The following TMEM132B variants were observed in gnomAD, a reference collection of about 807,000 sequenced individuals.
TMEM132B encodes transmembrane protein 132B.
A neutral mutation model predicts 90.8 loss-of-function variants in TMEM132B; 18 were observed. That is an observed-to-expected ratio of 0.20 (90% CI 0.14 to 0.29). TMEM132B has a LOEUF of 0.29. Among genes scored for constraint, TMEM132B ranks in the 10% least tolerant of loss-of-function variants. The pLI is 1.00. For missense variants in TMEM132B, 1,096 were observed against 1,326.8 expected (o/e 0.83, Z 2.70); for synonymous variants, 504 against 523.3 (o/e 0.96, Z 0.50).
intron 1 of TMEM132B, among the ~76,000 whole-genome samples, chr12:125,223,728 A>C (rs1283924778): frequency 1.3e-5 from 2 of 152,134 alleles, no homozygotes; most frequent in East Asian, 3.8e-4. Context: ...CCTATTCTGA[A>C]CATTTACTAG....
intron 5 of TMEM132B, among the ~76,000 whole-genome samples, chr12:125,592,578 G>C (rs1885340341): frequency 6.6e-6 from 1 of 152,224 alleles, no homozygotes; most frequent in Admixed American, 6.5e-5. Context: ...TGAGCAGTGT[G>C]TGGGGAGCTG....
chr12:125,291,391 TGGAG>T (rs1875535527), intron 1 of TMEM132B, among the ~76,000 whole-genome samples: 2 of 152,224 alleles, frequency 1.3e-5, no homozygotes, highest in African/African-American at 4.8e-5. Context: ...ATCTAATCAC[TGGAG>T]CTCTTTAGAT....
chr12:125,634,906 C>T (rs1886446823), intron 5 of TMEM132B, among the ~76,000 whole-genome samples: 1 of 152,150 alleles, frequency 6.6e-6, no homozygotes, highest in Non-Finnish European at 1.5e-5. Context: ...GTGATGCCAG[C>T]ACTCCTTTAG....
chr12:125,243,734 A>G (rs952637168), intron 1 of TMEM132B, among the ~76,000 whole-genome samples: 2 of 152,094 alleles, frequency 1.3e-5, no homozygotes, highest in Admixed American at 6.5e-5. Flanking sequence ...ATAGTCCCCA[A>G]TGTCTGTTGT....
At chr12:125,274,192 A>T (rs562259239) in intron 1 of TMEM132B, among the ~76,000 whole-genome samples, 1 of 151,370 alleles carries the variant, frequency 6.6e-6, no homozygotes, top group South Asian at 2.1e-4. Flanking sequence ...CATTTGGGAG[A>T]CTCTTTCACA....
At chr12:125,625,907 G>A (rs1358600194) in intron 5 of TMEM132B, among the ~76,000 whole-genome samples, 1 of 152,044 alleles carries the variant, frequency 6.6e-6, no homozygotes, top group Non-Finnish European at 1.5e-5. Context: ...AATTCTTGCT[G>A]TTATGCATTT....
chr12:125,528,827 C>T lies in TMEM132B; in HGVS notation c.1293+9202C>T, dbSNP rs115361580. Among the ~76,000 whole-genome samples the T allele has an allele frequency of 8.2e-3, 1,242 of 152,322 alleles. 23 individuals carry two copies. Among genetic ancestry groups the T allele is most frequent in the African/African-American group, 0.029 (1,203 of 41,570 alleles). The stretch of plus-strand genomic sequence containing the variant: ...GTGCTATATATCAGCAGTCTCCAAC[C>T]ATTTTTGGCACCAGGGATTGGTTTC... On this transcript the variant is annotated intron_variant, in intron 4 of 8. Coordinates refer to ENST00000682704, the MANE Select transcript of TMEM132B (RefSeq NM_001366854.1).
At chr12:125,470,922 G>C (rs1159115405) in intron 3 of TMEM132B, among the ~76,000 whole-genome samples, 1 of 152,224 alleles carries the variant, frequency 6.6e-6, no homozygotes, top group Admixed American at 6.5e-5. Context: ...CAGGCTCAGG[G>C]GAGAAAGACC....
chr12:125,645,990 T>TA (rs1338380523), intron 6 of TMEM132B, among the ~76,000 whole-genome samples: 1 of 152,162 alleles, frequency 6.6e-6, no homozygotes, highest in African/African-American at 2.4e-5. Flanking sequence ...ACGTGGGTGT[T>TA]AAAGACATTG....
rs1209550088 is a variant in TMEM132B at position 125,492,188 on chromosome 12, G to A, written c.1107-27251G>A. Among the ~76,000 whole-genome samples, 6 of 152,190 alleles carry A rather than the reference G, an allele frequency of 3.9e-5. No homozygotes were observed. The highest frequency in any genetic ancestry group is 1.5e-5 in the Non-Finnish European group (1 of 68,040). On this transcript the variant is annotated intron_variant, in intron 3 of 8. Transcript: ENST00000682704. This position sits in a 1 kb window ranked among gnomAD's most constrained non-coding sequence, Gnocchi z 5.8. Reference sequence around the variant, plus strand: ...CCGCTCCTCACCTTGCAGAAATGGGGTACTGGGGCGCATAAGGGGCTCGCT... The same window carrying A: ...CCGCTCCTCACCTTGCAGAAATGGGATACTGGGGCGCATAAGGGGCTCGCT...
Position 125,619,673 on chromosome 12 carries a change from G to A in TMEM132B, c.1438-24403G>A, listed in dbSNP as rs117451437. On this transcript the variant is annotated intron_variant, in intron 5 of 8. Coordinates refer to ENST00000682704, the MANE Select transcript of TMEM132B (RefSeq NM_001366854.1). ...AGCCACCATGCCCGGCCCTGCTGTG[G>A]CATTTAACTGGGCATGTGGTCTCTG... 8.1e-3 allele frequency among the ~76,000 whole-genome samples: 1,230 copies of A among 152,230 alleles called. 40 individuals carry two copies. Among genetic ancestry groups the A allele is most frequent in the East Asian group, 0.065 (336 of 5,168 alleles).
At chr12:125,503,078 A>T (rs1882741158) in intron 3 of TMEM132B, among the ~76,000 whole-genome samples, 1 of 152,228 alleles carries the variant, frequency 6.6e-6, no homozygotes, top group African/African-American at 2.4e-5. Flanking sequence ...CGGCTGTCCA[A>T]CATCAGTGAG....
intron 3 of TMEM132B, among the ~76,000 whole-genome samples, chr12:125,467,248 C>G (rs1181950903): frequency 6.6e-6 from 1 of 152,168 alleles, no homozygotes; most frequent in Non-Finnish European, 1.5e-5. Flanking sequence ...CACAGATAGA[C>G]AGATGGAGAG....
intron 1 of TMEM132B, among the ~76,000 whole-genome samples, chr12:125,224,089 G>A (rs554930094): frequency 1.3e-5 from 2 of 152,266 alleles, no homozygotes; most frequent in African/African-American, 4.8e-5. Flanking sequence ...ATGTTTTAAG[G>A]TTCAACCCCA....
At chr12:125,457,007 C>T (rs1304610964) in intron 3 of TMEM132B, among the ~76,000 whole-genome samples, 1 of 152,192 alleles carries the variant, frequency 6.6e-6, no homozygotes, top group Non-Finnish European at 1.5e-5. Context: ...GAGGTCCTCC[C>T]CTCCCTGCTG....
intron 5 of TMEM132B, among the ~76,000 whole-genome samples, chr12:125,595,754 C>T (rs989873536): frequency 1.3e-5 from 2 of 152,072 alleles, no homozygotes; most frequent in African/African-American, 4.8e-5. Context: ...GGGATTTGAG[C>T]CTTGGTAGTT....
In TMEM132B at chr12:125,336,561, AT is replaced by A. The variant is rs529008994; in HGVS notation, c.68-12888del. 2.3e-3 allele frequency among the ~76,000 whole-genome samples: 356 copies of A among 152,294 alleles called. 1 individual carries two copies. Among genetic ancestry groups the A allele is most frequent in the Non-Finnish European group, 3.9e-3 (264 of 68,016 alleles). On this transcript the variant is annotated intron_variant, in intron 1 of 8. Transcript: ENST00000682704. ...CTGGGAAATGAAAGAATCATTTTCGATTTCAGTAATGAACAGATGAAGGAGA... is the reference window on the plus strand; with the variant it reads ...CTGGGAAATGAAAGAATCATTTTCGATTCAGTAATGAACAGATGAAGGAGA...
chr12:125,550,698 ATTTCTT>A (rs1183936916), intron 4 of TMEM132B, among the ~76,000 whole-genome samples: 1 of 152,134 alleles, frequency 6.6e-6, no homozygotes, highest in African/African-American at 2.4e-5. Context: ...ACAGCACAAC[ATTTCTT>A]TTAAAAACTC....
At chr12:125,228,947 T>A (rs1366167751) in intron 1 of TMEM132B, among the ~76,000 whole-genome samples, 2 of 151,330 alleles carry the variant, frequency 1.3e-5, no homozygotes, top group Non-Finnish European at 2.9e-5. Flanking sequence ...GGAGAAAATC[T>A]TCTTCTTTTC....
Sources: allele counts gnomAD v4.1 joint callset (sites outside exome capture counted in the v4.1 genomes callset), GRCh38; gene constraint gnomAD v4.1.1; non-coding constraint Gnocchi (gnomAD v3.1); transcripts MANE v1.5; gene names NCBI Gene and HGNC (gene_info 2026-07-23, HGNC 2026-07-21).